UNC80: variants seen among roughly 807,000 people sequenced by gnomAD.
UNC80 encodes the protein unc-80 subunit of NALCN channel complex.
Under a neutral mutation model 384.6 loss-of-function variants are expected in UNC80, and 164 were observed. That is an observed-to-expected ratio of 0.43 (90% confidence interval 0.38 to 0.49). UNC80 has a LOEUF of 0.49. Among genes scored for constraint, UNC80 ranks in the 20% least tolerant of loss-of-function variants. UNC80 has a pLI of 0.00. For missense variants in UNC80, 3,330 were observed against 4,143.0 expected, an observed-to-expected ratio of 0.80 and a Z score of 5.39; for synonymous variants, 1,486 against 1,527.8, an observed-to-expected ratio of 0.97 and a Z score of 0.64.
chr2:209,894,897 T>C (rs2086663212), intron 27 of UNC80, among the ~76,000 whole-genome samples: 2 of 152,180 alleles, frequency 1.3e-5, no homozygotes, highest in African/African-American at 4.8e-5. Flanking sequence ...GAGTAAAGAT[T>C]GTCTAGACCT....
intron 6 of UNC80, among the ~76,000 whole-genome samples, 160 bp downstream of exon 6, chr2:209,789,765 G>A (rs563678388): frequency 5.9e-5 from 9 of 151,790 alleles, no homozygotes; most frequent in South Asian, 2.1e-4. Flanking sequence ...TTTATCAGTC[G>A]TATGAAAATT....
At chr2:209,885,132 A>G (rs914085485) in intron 25 of UNC80, among the ~76,000 whole-genome samples, 2 of 152,196 alleles carry the variant, frequency 1.3e-5, no homozygotes, top group Non-Finnish European at 2.9e-5. Flanking sequence ...TAAAAAAATC[A>G]GAAGCAAAAT....
intron 7 of UNC80, among the ~76,000 whole-genome samples, chr2:209,811,368 T>C (rs2079335257): frequency 6.6e-6 from 1 of 152,050 alleles, no homozygotes; most frequent in African/African-American, 2.4e-5. Context: ...TCTAAGGGGA[T>C]TGAATAATAT....
chr2:209,937,665 G>A, intron 42 of UNC80, 35 bp downstream of exon 42: 4 of 1,474,840 alleles, frequency 2.7e-6, no homozygotes, highest in East Asian at 2.5e-5. Context: ...CCATGGTTTT[G>A]TCATGTTGTT....
intron 28 of UNC80, among the ~76,000 whole-genome samples, chr2:209,904,438 G>A (rs1287457232): frequency 6.6e-6 from 1 of 152,136 alleles, no homozygotes; most frequent in Non-Finnish European, 1.5e-5. Context: ...ATAAGAGCTG[G>A]AAAAAAATTT....
chr2:209,921,647 G>A lies in UNC80; in HGVS notation c.5491G>A (p.Glu1831Lys), dbSNP rs2090046518. 1 of 1,551,602 alleles carries A rather than the reference G, an allele frequency of 6.4e-7. No individual in the cohort carries two copies. Among genetic ancestry groups the A allele is most frequent in the Non-Finnish European group, 8.7e-7 (1 of 1,146,950 alleles). ...AIPITQEACY[E>K]PTCTPNSEPE... Reference sequence around the variant, plus strand: ...CCCCATCACCCAGGAGGCTTGCTATGAGCCCACATGCACGCCCAACTCAGA... The same window carrying A: ...CCCCATCACCCAGGAGGCTTGCTATAAGCCCACATGCACGCCCAACTCAGA... The change falls in exon 34 of 65, where the codon GAG becomes AAG. Residue 1831 changes from glutamate to lysine, a missense_variant. By Grantham distance (56) the Glu-to-Lys change is moderately conservative. Around this residue, in one of 8 missense-constraint regions of UNC80, gnomAD observed 1,049 missense variants for 1,488.6 expected, o/e 0.70. Coordinates refer to ENST00000673920, the MANE Select transcript of UNC80 (RefSeq NM_001371986.1).
At chr2:209,846,594 T>G (rs2082188349) in intron 21 of UNC80, among the ~76,000 whole-genome samples, 1 of 152,102 alleles carries the variant, frequency 6.6e-6, no homozygotes, top group Non-Finnish European at 1.5e-5. Flanking sequence ...GATATTTTTA[T>G]ACATCCCTTA....
chr2:209,975,846 A>G (rs1448303453), intron 56 of UNC80, among the ~76,000 whole-genome samples: 1 of 152,154 alleles, frequency 6.6e-6, no homozygotes, highest in East Asian at 1.9e-4. Flanking sequence ...AGTGGACCAC[A>G]TTGCTCTATA....
intron 43 of UNC80, 38 bp downstream of exon 43, chr2:209,939,690 T>C (rs767362907): frequency 3.2e-5 from 47 of 1,481,384 alleles, no homozygotes; most frequent in Non-Finnish European, 4.2e-5. Flanking sequence ...TGGGGCTTTT[T>C]CTAACACACT....
intron 4 of UNC80, among the ~76,000 whole-genome samples, chr2:209,784,521 A>T (rs2077318049): frequency 6.6e-6 from 1 of 152,096 alleles, no homozygotes; most frequent in Non-Finnish European, 1.5e-5. Context: ...CACACTAGGC[A>T]CACTTAGGGC....
chr2:209,933,386 CA>C (rs912513632), intron 38 of UNC80, among the ~76,000 whole-genome samples: 4 of 150,098 alleles, frequency 2.7e-5, no homozygotes, highest in East Asian at 1.9e-4. Flanking sequence ...AATTTAGAAA[CA>C]AAAAAAAAGA....
At chr2:209,949,558 A>G (rs1234181048) in intron 47 of UNC80, among the ~76,000 whole-genome samples, 1 of 151,564 alleles carries the variant, frequency 6.6e-6, no homozygotes, top group Non-Finnish European at 1.5e-5. Flanking sequence ...GCTCACTGCA[A>G]CCTCTGCCTC....
At chr2:209,893,166 A>G (rs1288952354) in intron 26 of UNC80, among the ~76,000 whole-genome samples, 1 of 152,222 alleles carries the variant, frequency 6.6e-6, no homozygotes, top group Non-Finnish European at 1.5e-5. Flanking sequence ...CTGATTGGGA[A>G]TTTTAAAATA....
chr2:209,966,111 A>G (rs900695849), intron 51 of UNC80, among the ~76,000 whole-genome samples: 1 of 152,158 alleles, frequency 6.6e-6, no homozygotes, highest in Admixed American at 6.5e-5. Context: ...TCTGTCCTAC[A>G]TTCCAGTTCC....
At chr2:209,993,524 C>A in intron 63 of UNC80, 98 bp downstream of exon 63, 1 of 1,002,704 alleles carries the variant, frequency 1.0e-6, no homozygotes, top group Non-Finnish European at 1.5e-6. Flanking sequence ...GAGATAAGCA[C>A]ACCTTTGGGG....
intron 30 of UNC80, among the ~76,000 whole-genome samples, chr2:209,913,544 GT>G (rs2089192438): frequency 6.6e-6 from 1 of 152,054 alleles, no homozygotes; most frequent in Non-Finnish European, 1.5e-5. Context: ...TCAATATATA[GT>G]TTACTCCTTG....
At chr2:209,945,987 G>T (rs1311363739) in intron 47 of UNC80, 44 bp downstream of exon 47, 12 of 1,309,514 alleles carry the variant, frequency 9.2e-6, no homozygotes, top group African/African-American at 1.5e-5. Context: ...AAGTAAATAT[G>T]GCAGAGAAAA....
At position 209,921,829 on chromosome 2, in the gene UNC80, AG is replaced by A; in HGVS notation, c.5530+144del. On this transcript the variant is annotated intron_variant, in intron 34 of 64. Transcript: ENST00000673920. ...TCACTTCCTGACGCTAACCAAAGAAAGAGAAAAGTTGTTTTCTGAAGTTTAG... is the reference window on the plus strand; with the variant it reads ...TCACTTCCTGACGCTAACCAAAGAAAAGAAAAGTTGTTTTCTGAAGTTTAG... 3.7e-6 allele frequency: 4 copies of A among 1,084,464 alleles called. No individual in the cohort carries two copies. In the East Asian group the frequency reaches 7.9e-5, roughly 21 times the overall value. 67.2% of individuals were successfully genotyped at this position (1,084,464 alleles called of 1,614,324 possible). A position where few individuals can be genotyped will look rare whatever the true frequency, so the allele number is the denominator to read the frequency against.
chr2:209,826,815 A>G (rs2080557925), intron 14 of UNC80, among the ~76,000 whole-genome samples: 1 of 152,146 alleles, frequency 6.6e-6, no homozygotes, highest in Non-Finnish European at 1.5e-5. Flanking sequence ...TCTCTTAAAA[A>G]AAAGGAGTTT....
Sources: allele counts gnomAD v4.1 joint callset (sites outside exome capture counted in the v4.1 genomes callset), GRCh38; gene constraint gnomAD v4.1.1; regional missense constraint gnomAD v4.1.1; transcripts MANE v1.5; gene names NCBI Gene and HGNC (gene_info 2026-07-23, HGNC 2026-07-21).